FRA10AC1: variants seen among roughly 807,000 people sequenced by gnomAD.
FRA10AC1 encodes the protein FRA10A associated CGG repeat 1.
FRA10AC1 carries 43 observed loss-of-function variants against 56.5 expected under a neutral mutation model. The ratio of observed to expected loss-of-function variants is 0.76; its 90% CI spans 0.60 to 0.98. FRA10AC1 has a LOEUF of 0.98. FRA10AC1 is among the 50% of genes least tolerant of loss of function. FRA10AC1 has a pLI of 0.00. For synonymous variants in FRA10AC1, 112 were observed against 110.5 expected, an observed-to-expected ratio of 1.01 and a Z score of -0.09; for missense variants, 346 against 351.8, an observed-to-expected ratio of 0.98 and a Z score of 0.13.
rs1435619813 is a variant in FRA10AC1, at chr10:93,676,657, T to C, written c.822A>G (p.Leu274=). Reference sequence around the variant, plus strand: ...AAATAAACACTTGTTACTTACTAAGTAGAGAATCTTCAGATTTCTTTGAAG... The same window carrying C: ...AAATAAACACTTGTTACTTACTAAGCAGAGAATCTTCAGATTTCTTTGAAG... ...HSSSKKSEDS[L]LRNSDEEESA... is the part of the protein sequence containing the mutation. The change falls in exon 12 of 14, where the codon CTA becomes CTG. Residue 274 remains leucine, a synonymous_variant. Coordinates refer to ENST00000359204, the MANE Select transcript of FRA10AC1 (RefSeq NM_145246.5). The C allele has an allele frequency of 5.8e-6, 9 of 1,562,384 alleles. No individual in the cohort carries two copies. Among genetic ancestry groups the C allele is most frequent in the Non-Finnish European group, 7.8e-6 (9 of 1,160,002 alleles).
chr10:93,692,083 GT>G lies in FRA10AC1; in HGVS notation c.390del (p.Arg130SerfsTer16). 2 of 1,545,042 alleles carry G rather than the reference GT, an allele frequency of 1.3e-6. No individual in the cohort carries two copies. The highest frequency in any genetic ancestry group is 1.7e-6 in the Non-Finnish European group (2 of 1,152,582). ...AATTTATCATAGTATTTCTTAGCAA[GT>G]CTCTTCTCCCTAGACCCATGAAAAT... Reference protein sequence around the residue: ...EDEMDMTWEKRLAKKYYDKLF... With the variant: ...EDEMDMTWEKXLAKKYYDKLF... On this transcript the variant is annotated frameshift_variant, in exon 7 of 14. Transcript: ENST00000359204. LOFTEE classifies it high-confidence loss of function.
At chr10:93,688,712 C>T (rs991629800) in intron 7 of FRA10AC1, among the ~76,000 whole-genome samples, 4 of 152,096 alleles carry the variant, frequency 2.6e-5, no homozygotes, top group Non-Finnish European at 5.9e-5. Context: ...ATTACTTGAA[C>T]CTGGGAGGTG....
chr10:93,676,433 T>G (rs1484837572), intron 12 of FRA10AC1, among the ~76,000 whole-genome samples: 2 of 152,184 alleles, frequency 1.3e-5, no homozygotes, highest in Non-Finnish European at 2.9e-5. Context: ...GGAAAAATTT[T>G]TAATGCTCTC....
Position 93,680,608 on chromosome 10 carries a change from C to T in FRA10AC1, c.787+872G>A, listed in dbSNP as rs562802298. Among the ~76,000 whole-genome samples the T allele has an allele frequency of 1.8e-4, 28 of 152,244 alleles. 1 individual carries two copies. The South Asian group carries it at 5.8e-3, about 32-fold the overall frequency. On this transcript the variant is annotated intron_variant, in intron 11 of 13. Transcript: ENST00000359204. ...GATCTTCATAGCTGGAGCAAGAGAGCCCTCTCCTGTCCAAATATTATATTA... is the reference window on the plus strand; with the variant it reads ...GATCTTCATAGCTGGAGCAAGAGAGTCCTCTCCTGTCCAAATATTATATTA...
chr10:93,687,616 C>A, intron 7 of FRA10AC1, 167 bp from the exon 8 acceptor site: 1 of 628,654 alleles, frequency 1.6e-6, no homozygotes, highest in Non-Finnish European at 2.5e-6. Context: ...GAACAATCAC[C>A]AATTTATCTG....
Position 93,668,980 on chromosome 10 carries a change from G to A in FRA10AC1, c.*846C>T, listed in dbSNP as rs1014413095. The A allele has an allele frequency of 6.6e-6, 1 of 152,082 alleles. No homozygotes were observed. The highest frequency in any genetic ancestry group is 2.4e-5 in the African/African-American group (1 of 41,410). 9.4% of individuals were successfully genotyped at this position (152,082 alleles called of 1,614,324 possible). ...CTTACTGCATAATCTCTGCCGGGGA[G>A]GCAATTTTTGTGAACACATGAACTG... On this transcript the variant is annotated 3_prime_UTR_variant, in exon 14 of 14. Coordinates refer to ENST00000359204, the MANE Select transcript of FRA10AC1 (RefSeq NM_145246.5).
chr10:93,696,777 A>G (rs1018116374), intron 4 of FRA10AC1, among the ~76,000 whole-genome samples: 5 of 152,266 alleles, frequency 3.3e-5, no homozygotes, highest in Non-Finnish European at 7.3e-5. Flanking sequence ...TGCAACCACA[A>G]AAAGGAATGA....
At chr10:93,695,837 C>A (rs2059224321) in intron 4 of FRA10AC1, among the ~76,000 whole-genome samples, 1 of 152,104 alleles carries the variant, frequency 6.6e-6, no homozygotes, top group Non-Finnish European at 1.5e-5. Flanking sequence ...AGTCATGTAA[C>A]CTATTAGAGC....
intron 5 of FRA10AC1, among the ~76,000 whole-genome samples, chr10:93,693,647 T>C (rs1294933742): frequency 7.0e-6 from 1 of 142,660 alleles, no homozygotes; most frequent in Non-Finnish European, 1.5e-5. Flanking sequence ...ATACACACCA[T>C]ATATATATAC....
At chr10:93,697,988 A>C in intron 4 of FRA10AC1, 148 bp downstream of exon 4, 1 of 493,790 alleles carries the variant, frequency 2.0e-6, no homozygotes. Flanking sequence ...ATTGTACCCA[A>C]AAGTATAAAT....
intron 7 of FRA10AC1, among the ~76,000 whole-genome samples, chr10:93,690,705 A>G (rs2059111615): frequency 6.6e-6 from 1 of 152,218 alleles, no homozygotes; most frequent in Non-Finnish European, 1.5e-5. Context: ...CTAGAAAGAC[A>G]TAATTTTCAC....
At chr10:93,686,241 T>C (rs2059025125) in intron 8 of FRA10AC1, among the ~76,000 whole-genome samples, 2 of 151,902 alleles carry the variant, frequency 1.3e-5, no homozygotes, top group South Asian at 4.1e-4. Flanking sequence ...CCTTTTAAAC[T>C]CATTCCAAAT....
chr10:93,691,903 C>A (rs1193403186), intron 7 of FRA10AC1, 106 bp downstream of exon 7: 2 of 1,222,922 alleles, frequency 1.6e-6, no homozygotes, highest in Non-Finnish European at 2.2e-6. Context: ...ACAACTGAGT[C>A]TAGAATTAGC....
chr10:93,670,802 C>T lies in FRA10AC1; in HGVS notation c.873G>A (p.Lys291=), dbSNP rs749734425. 4 of 1,611,496 alleles carry T rather than the reference C, an allele frequency of 2.5e-6. No individual in the cohort carries two copies. Among genetic ancestry groups the T allele is most frequent in the Non-Finnish European group, 3.4e-6 (4 of 1,178,108 alleles). ...EESASESELW[K]GPLPETDEKS... ...TTTCATCTGTCTCTGGTAGTGGACC[C>T]TTCCAAAGTTCAGATTCTGAAGCAC... The change falls in exon 13 of 14, where the codon AAG becomes AAA. Residue 291 remains lysine (K), a synonymous_variant. Coordinates refer to ENST00000359204, the MANE Select transcript of FRA10AC1 (RefSeq NM_145246.5).
At chr10:93,680,159 G>A (rs10509662) in intron 11 of FRA10AC1, among the ~76,000 whole-genome samples, 60,588 of 152,016 alleles carry the variant, frequency 0.4, 14,526 homozygotes, top group Non-Finnish European at 0.52. Context: ...TTTGGAATAC[G>A]CAGTGATTAA....
At chr10:93,671,019 T>C in intron 12 of FRA10AC1, 171 bp from the exon 13 acceptor site, 1 of 544,398 alleles carries the variant, frequency 1.8e-6, no homozygotes, top group Non-Finnish European at 3.3e-6. Context: ...CATATATAAA[T>C]AAGCCAAGGG....
At chr10:93,694,363 A>G (rs2059191906) in intron 5 of FRA10AC1, among the ~76,000 whole-genome samples, 1 of 152,134 alleles carries the variant, frequency 6.6e-6, no homozygotes, top group Non-Finnish European at 1.5e-5. Flanking sequence ...GTCCAAAAAA[A>G]TGGGATTCAT....
intron 7 of FRA10AC1, among the ~76,000 whole-genome samples, chr10:93,688,169 A>G (rs562821385): frequency 1.3e-5 from 2 of 152,208 alleles, no homozygotes; most frequent in African/African-American, 2.4e-5. Context: ...CAGACAATTA[A>G]TATTATTCAG....
intron 11 of FRA10AC1, among the ~76,000 whole-genome samples, chr10:93,680,048 T>C (rs1270160594): frequency 6.6e-6 from 1 of 152,148 alleles, no homozygotes; most frequent in African/African-American, 2.4e-5. Flanking sequence ...GTACGCATAA[T>C]ACGAAGGGTC....
Sources: allele counts gnomAD v4.1 joint callset (sites outside exome capture counted in the v4.1 genomes callset), GRCh38; gene constraint gnomAD v4.1.1; transcripts MANE v1.5; gene names NCBI Gene and HGNC (gene_info 2026-07-23, HGNC 2026-07-21).